Variants in AKT3 observed in about 807,000 individuals in gnomAD.
AKT3 encodes the protein RAC-gamma serine/threonine-protein kinase.
A neutral mutation model predicts 65.3 loss-of-function variants in AKT3; 15 were observed. The observed-to-expected ratio is 0.23, with a 90% CI of 0.15 to 0.35. The LOEUF (loss-of-function observed/expected upper bound fraction) is 0.35, where lower values mean the gene tolerates loss of function less well. Among genes scored for constraint, AKT3 ranks in the 10% least tolerant of loss-of-function variants. AKT3 has a pLI of 1.00. For missense variants in AKT3, 243 were observed against 576.5 expected (o/e 0.42, Z 5.92); for synonymous variants, 206 against 183.8 (o/e 1.12, Z -0.98).
intron 2 of AKT3, among the ~76,000 whole-genome samples, chr1:243,734,789 G>A (rs1160880049): frequency 6.6e-6 from 1 of 152,058 alleles, no homozygotes; most frequent in Non-Finnish European, 1.5e-5. Context: ...GTTTAATTTT[G>A]TAGCTTTTTG....
At chr1:243,788,338 T>C (rs1437221511) in intron 2 of AKT3, among the ~76,000 whole-genome samples, 5 of 152,180 alleles carry the variant, frequency 3.3e-5, no homozygotes, top group Non-Finnish European at 5.9e-5. Flanking sequence ...GAAATACCAA[T>C]GATCATCCTA....
chr1:243,539,537 T>C (rs1234845895), intron 12 of AKT3, among the ~76,000 whole-genome samples: 1 of 152,144 alleles, frequency 6.6e-6, no homozygotes, highest in Non-Finnish European at 1.5e-5. Context: ...GGTCAATGTA[T>C]AGATTCTTTC....
At chr1:243,819,737 A>T (rs542093750) in intron 2 of AKT3, among the ~76,000 whole-genome samples, 1 of 152,300 alleles carries the variant, frequency 6.6e-6, no homozygotes, top group East Asian at 1.9e-4. Context: ...ATATAGGAGC[A>T]TTCCTGCTGG....
chr1:243,519,360 G>T (rs1670569496), intron 12 of AKT3, among the ~76,000 whole-genome samples: 1 of 152,190 alleles, frequency 6.6e-6, no homozygotes, highest in South Asian at 2.1e-4. Context: ...TAAAGATCCT[G>T]AAGCATTTCT....
chr1:243,641,176 C>T (rs771684656), intron 5 of AKT3, among the ~76,000 whole-genome samples: 2 of 151,802 alleles, frequency 1.3e-5, no homozygotes, highest in Non-Finnish European at 2.9e-5. Flanking sequence ...TTCCTTGCTC[C>T]TCAGTTTGCA....
chr1:243,709,154 CCTTTA>C lies in AKT3; in HGVS notation c.47-13443_47-13439del, dbSNP rs1448242790. Among the ~76,000 whole-genome samples the C allele has an allele frequency of 9.9e-5, 15 of 150,962 alleles. 1 individual carries two copies. The highest frequency in any genetic ancestry group is 3.4e-4 in the African/African-American group (14 of 41,142). On this transcript the variant is annotated intron_variant, in intron 2 of 13. Transcript: ENST00000673466. ...CTATATAATCCAGTGGTATGATAGA[CCTTTA>C]CTTTAAGAATATAAAAAGTGCTAAT... is the stretch of plus-strand genomic sequence containing the variant.
chr1:243,821,879 G>A (rs1693876015), intron 2 of AKT3, among the ~76,000 whole-genome samples: 1 of 152,172 alleles, frequency 6.6e-6, no homozygotes, highest in South Asian at 2.1e-4. Context: ...CATCAAGACA[G>A]AAAATTAACA....
rs750005143 is a variant in AKT3 at position 243,784,918 on chromosome 1, G to A, written c.46+58207C>T. Among the ~76,000 whole-genome samples the A allele has an allele frequency of 8.0e-4, 122 of 151,952 alleles. 1 individual carries two copies. The highest frequency in any genetic ancestry group is 6.8e-3 in the Middle Eastern group (2 of 294). ...TGGGACTACAGGAGTGCACCACCACGCCTAGCTATTTTTTATTATTATTTC... is the reference window on the plus strand; with the variant it reads ...TGGGACTACAGGAGTGCACCACCACACCTAGCTATTTTTTATTATTATTTC... On this transcript the variant is annotated intron_variant, in intron 2 of 13. Coordinates refer to ENST00000673466, the MANE Select transcript of AKT3 (RefSeq NM_005465.7).
intron 12 of AKT3, among the ~76,000 whole-genome samples, chr1:243,522,925 A>C (rs1019111139): frequency 6.6e-6 from 1 of 152,182 alleles, no homozygotes; most frequent in Non-Finnish European, 1.5e-5. Flanking sequence ...TAGCACTGAC[A>C]GCCACAGCCA....
intron 3 of AKT3, among the ~76,000 whole-genome samples, chr1:243,674,458 T>C (rs1683367522): frequency 6.6e-6 from 1 of 152,210 alleles, no homozygotes; most frequent in Non-Finnish European, 1.5e-5. Context: ...ATAAAAATTC[T>C]GAATATGAAT....
chr1:243,560,121 T>G (rs1187447262), intron 10 of AKT3, among the ~76,000 whole-genome samples: 1 of 152,144 alleles, frequency 6.6e-6, no homozygotes, highest in Non-Finnish European at 1.5e-5. Context: ...CCTTTTCCAC[T>G]GCCGGACCCT....
chr1:243,697,314 G>C (rs1395782557), intron 2 of AKT3, among the ~76,000 whole-genome samples: 2 of 151,808 alleles, frequency 1.3e-5, no homozygotes, highest in African/African-American at 2.4e-5. Context: ...TTTCTTAGCT[G>C]TTCCTGCCTT....
chr1:243,735,131 A>G (rs1022343017), intron 2 of AKT3: 5 of 152,198 alleles, frequency 3.3e-5, no homozygotes, highest in African/African-American at 1.2e-4. Context: ...AAAAAAGAAA[A>G]TAAAGCAGAG....
intron 4 of AKT3, among the ~76,000 whole-genome samples, chr1:243,649,313 ATGTGTGTGTGTGTGTGTGTGTGTGTGTG>A (rs55765060): frequency 6.9e-6 from 1 of 145,930 alleles, no homozygotes; most frequent in African/African-American, 2.6e-5. Context: ...TTATGTGTAT[ATGTGTGTGTGTGTGTGTGTGTGTGTGTG>A]TGTGTGTGTG....
At chr1:243,647,023 A>G (rs1426348536) in intron 4 of AKT3, among the ~76,000 whole-genome samples, 2 of 152,228 alleles carry the variant, frequency 1.3e-5, no homozygotes, top group Non-Finnish European at 2.9e-5. Context: ...CATTAAATCT[A>G]TAGATGAATT....
At chr1:243,516,047 G>A (rs1333793805) in intron 12 of AKT3, among the ~76,000 whole-genome samples, 2 of 152,020 alleles carry the variant, frequency 1.3e-5, no homozygotes, top group Non-Finnish European at 2.9e-5. Flanking sequence ...ACTGAGAAAT[G>A]TTCTCTCATC....
At chr1:243,849,551 C>T (rs1018886212) in intron 1 of AKT3, among the ~76,000 whole-genome samples, 1 of 151,934 alleles carries the variant, frequency 6.6e-6, no homozygotes, top group South Asian at 2.1e-4. Flanking sequence ...CTCCCTCCCC[C>T]CAACCCAAAC....
chr1:243,724,165 C>T (rs533872637), intron 2 of AKT3, among the ~76,000 whole-genome samples: 5 of 151,712 alleles, frequency 3.3e-5, no homozygotes, highest in African/African-American at 1.2e-4. Context: ...GACTGTCATC[C>T]CTGCAGTCCT....
intron 13 of AKT3, among the ~76,000 whole-genome samples, chr1:243,510,894 C>G (rs948154274): frequency 1.3e-5 from 2 of 152,232 alleles, no homozygotes; most frequent in Non-Finnish European, 2.9e-5. Context: ...GCCCATGGGC[C>G]GATCCGAAAA....
Sources: gnomAD v4.1 joint callset for allele counts (sites outside exome capture counted in the v4.1 genomes callset) on GRCh38, gnomAD v4.1.1 for gene constraint, MANE v1.5 for transcripts, NCBI Gene and HGNC (gene_info 2026-07-23, HGNC 2026-07-21) for gene names.